The following RSPH9 variants were observed in gnomAD, a reference collection of about 807,000 sequenced individuals.
RSPH9 encodes radial spoke head protein 9 homolog.
A neutral mutation model predicts 27.0 loss-of-function variants in RSPH9; 27 were observed. The observed-to-expected ratio is 1.00, with a 90% CI of 0.74 to 1.38. The LOEUF is 1.38. RSPH9 is among the 40% of genes most tolerant of loss of function. The pLI is 0.00. For synonymous variants in RSPH9, 145 were observed against 147.7 expected (o/e 0.98, Z 0.13); for missense variants, 347 against 357.4 (o/e 0.97, Z 0.24).
At chr6:43,666,548 C>T in intron 4 of RSPH9, 1 of 1,448,516 alleles carries the variant, frequency 6.9e-7, no homozygotes, top group Non-Finnish European at 9.4e-7. Context: ...CATCTTGTCC[C>T]TTGGCCAAAG....
chr6:43,653,554 T>A (rs1410893717), intron 2 of RSPH9, among the ~76,000 whole-genome samples: 15 of 151,924 alleles, frequency 9.9e-5, no homozygotes, highest in Admixed American at 7.2e-4. Flanking sequence ...GTAAGGAGCC[T>A]ATGTTTTGAA....
chr6:43,666,516 A>T, intron 4 of RSPH9: 3 of 1,544,580 alleles, frequency 1.9e-6, no homozygotes, highest in Non-Finnish European at 2.6e-6. Flanking sequence ...CTCTGTGTCC[A>T]TGAGGTAGGC....
In RSPH9 at chr6:43,671,179, G is replaced by A. The variant is rs1313096842; in HGVS notation, c.*230G>A. The stretch of plus-strand genomic sequence containing the variant: ...CAACGATGGGTGGAAATGGCTGTGG[G>A]AGAAGGTGACAACCAGGGCCCCTTT... On this transcript the variant is annotated 3_prime_UTR_variant, in exon 5 of 5. Transcript: ENST00000372163. 1 of 605,626 alleles carries A rather than the reference G, an allele frequency of 1.7e-6. No individual in the cohort carries two copies. Among genetic ancestry groups the A allele is most frequent in the Non-Finnish European group, 2.9e-6 (1 of 344,578 alleles). The allele number at this position is 605,626 out of a possible 1,614,324, so 37.5% of individuals were successfully genotyped here.
rs1773737678 is a variant in RSPH9, at chr6:43,672,081, A to T, written c.*1132A>T. 1 of 765,230 alleles carries T rather than the reference A, an allele frequency of 1.3e-6. No homozygotes were observed. Among genetic ancestry groups the T allele is most frequent in the Non-Finnish European group, 2.1e-6 (1 of 487,240 alleles). The allele number at this position is 765,230 out of a possible 1,614,324, so 47.4% of individuals were successfully genotyped here. On this transcript the variant is annotated 3_prime_UTR_variant, in exon 5 of 5. Coordinates refer to ENST00000372163, the MANE Select transcript of RSPH9 (RefSeq NM_152732.5). ...GGGAGTAACTGCTGAGCGTCCTGTAAACAGATGGGCTGGGCTCTTGCTGCC... is the reference window on the plus strand; with the variant it reads ...GGGAGTAACTGCTGAGCGTCCTGTATACAGATGGGCTGGGCTCTTGCTGCC...
chr6:43,647,852 A>C (rs1561936408), intron 1 of RSPH9, among the ~76,000 whole-genome samples: 2 of 152,196 alleles, frequency 1.3e-5, no homozygotes, highest in East Asian at 3.8e-4. Context: ...GGTAAATGAA[A>C]TCCTTGTCTT....
chr6:43,662,370 C>CT (rs202057084), intron 4 of RSPH9, among the ~76,000 whole-genome samples: 528 of 143,748 alleles, frequency 3.7e-3, no homozygotes, highest in Middle Eastern at 0.011. Flanking sequence ...GTTTCACTTT[C>CT]TTTTTTTTTT....
intron 2 of RSPH9, among the ~76,000 whole-genome samples, chr6:43,652,279 C>T (rs892485904): frequency 2.0e-5 from 3 of 148,692 alleles, no homozygotes; most frequent in African/African-American, 7.4e-5. Context: ...GCACTCCAGC[C>T]TGGGCGACAG....
In RSPH9 at chr6:43,671,036, ATCT is replaced by A. The variant is rs775516824; in HGVS notation, c.*92_*94del. ...GAACTTGGCCTGCCTGTTCTGTCCT[ATCT>A]TCTTAACTCCACCTCCGTCTGGTTC... On this transcript the variant is annotated 3_prime_UTR_variant, in exon 5 of 5. Coordinates refer to ENST00000372163, the MANE Select transcript of RSPH9 (RefSeq NM_152732.5). 116 of 1,520,232 alleles carry A rather than the reference ATCT, an allele frequency of 7.6e-5. 2 individuals are homozygous for A. The highest frequency in any genetic ancestry group is 7.2e-4 in the East Asian group (31 of 43,296). The allele number at this position is 1,520,232 out of a possible 1,614,324, so 94.2% of individuals were successfully genotyped here.
chr6:43,671,354 G>T lies in RSPH9; in HGVS notation c.*405G>T. ...GCCCATGAATTCAATTGACTCATTG[G>T]CCCCATCACAAGAGATCAGTGACTC... On this transcript the variant is annotated 3_prime_UTR_variant, in exon 5 of 5. Transcript: ENST00000372163. 2.5e-6 allele frequency: 1 copy of T among 398,818 alleles called. No homozygotes were observed. The highest frequency in any genetic ancestry group is 5.3e-5 in the East Asian group (1 of 18,916). 24.7% of individuals were successfully genotyped at this position (398,818 alleles called of 1,614,324 possible).
At chr6:43,656,525 G>A in intron 3 of RSPH9, 52 bp from the exon 4 acceptor site, 1 of 1,610,580 alleles carries the variant, frequency 6.2e-7, no homozygotes. Context: ...CAGAAAGGGG[G>A]CTGGGGGGTT....
At chr6:43,648,269 CA>C (rs780680876) in intron 1 of RSPH9, among the ~76,000 whole-genome samples, 5,985 of 124,728 alleles carry the variant, frequency 0.048, 123 homozygotes, top group Non-Finnish European at 0.062. Context: ...AACTCTGTCT[CA>C]AAAAAAAAAA....
In RSPH9 at chr6:43,670,926, A is replaced by G. The variant is rs769366839; in HGVS notation, c.808A>G (p.Met270Val). Residue 270 changes from methionine (M) to valine (V), a missense_variant, in exon 5 of 5, where the codon ATG (methionine) becomes GTG (valine). Coordinates refer to ENST00000372163, the MANE Select transcript of RSPH9 (RefSeq NM_152732.5). ...YVYVGTGEKN[M>V]DLPFML ...CTACGTGGGCACTGGCGAGAAGAACATGGACTTGCCCTTCATGCTATAGAA... is the reference window on the plus strand; with the variant it reads ...CTACGTGGGCACTGGCGAGAAGAACGTGGACTTGCCCTTCATGCTATAGAA... 4 of 1,614,208 alleles carry G rather than the reference A, an allele frequency of 2.5e-6. No homozygotes were observed. Among genetic ancestry groups the G allele is most frequent in the Non-Finnish European group, 3.4e-6 (4 of 1,180,038 alleles).
Position 43,658,311 on chromosome 6 carries a change from G to GA in RSPH9, c.670+1601dup, listed in dbSNP as rs1272673497. Reference sequence around the variant, plus strand: ...CGTCTCAAAAAAAAAAAAAAAAAAAGAAAAAAAAAAAAAGAAACGAACATA... The same window carrying GA: ...CGTCTCAAAAAAAAAAAAAAAAAAAGAAAAAAAAAAAAAAGAAACGAACATA... On this transcript the variant is annotated intron_variant, in intron 4 of 4. Transcript: ENST00000372163. Among the ~76,000 whole-genome samples the GA allele has an allele frequency of 1.9e-3, 194 of 101,108 alleles. 1 individual carries two copies. The highest frequency in any genetic ancestry group is 4.4e-3 in the African/African-American group (126 of 28,836). 66.3% of individuals were successfully genotyped at this position (101,108 alleles called of 152,430 possible).
intron 4 of RSPH9, among the ~76,000 whole-genome samples, chr6:43,659,518 G>T (rs894229099): frequency 1.3e-5 from 2 of 151,554 alleles, no homozygotes; most frequent in South Asian, 2.1e-4. Context: ...GAGTATCTGG[G>T]ACTACAGGCG....
rs753850931 is a variant in RSPH9 at position 43,671,978 on chromosome 6, A to T, written c.*1029A>T. The T allele has an allele frequency of 9.2e-5, 135 of 1,472,776 alleles. No individual in the cohort carries two copies. Among genetic ancestry groups the T allele is most frequent in the Non-Finnish European group, 1.1e-4 (126 of 1,103,982 alleles). The allele number at this position is 1,472,776 out of a possible 1,614,324, so 91.2% of individuals were successfully genotyped here. On this transcript the variant is annotated 3_prime_UTR_variant, in exon 5 of 5. Transcript: ENST00000372163. ...GCTGGACGTGGGAGAGTGGAGCACT[A>T]CCTCCTCAGGCCAGGCCACGGTTGG...
intron 4 of RSPH9, among the ~76,000 whole-genome samples, chr6:43,665,773 G>A (rs1294954121): frequency 1.3e-5 from 2 of 151,782 alleles, no homozygotes; most frequent in African/African-American, 4.8e-5. Context: ...TACTCTTCAG[G>A]TCCTTCCTCC....
rs1380428357 is a variant in RSPH9 at position 43,650,556 on chromosome 6, A to G, written c.393+16A>G. ...AGAAATAGTGGTGAGTGAAGAGGAG[A>G]GCAGGAGGAGGGCCTAAAAGAGAGC... On this transcript the variant is annotated intron_variant, in intron 2 of 4. Transcript: ENST00000372163. 1 of 1,613,662 alleles carries G rather than the reference A, an allele frequency of 6.2e-7. No homozygotes were observed. The highest frequency in any genetic ancestry group is 8.5e-7 in the Non-Finnish European group (1 of 1,179,862).
intron 4 of RSPH9, among the ~76,000 whole-genome samples, chr6:43,669,016 A>G (rs1032277995): frequency 6.6e-6 from 1 of 152,130 alleles, no homozygotes; most frequent in Admixed American, 6.6e-5. Context: ...CATGACCAGG[A>G]AAGTACCAGG....
chr6:43,645,950 A>G (rs1770814720), intron 1 of RSPH9, among the ~76,000 whole-genome samples: 1 of 152,000 alleles, frequency 6.6e-6, no homozygotes, highest in Non-Finnish European at 1.5e-5. Flanking sequence ...CCATCCAGCT[A>G]TTTATTTATT....
Sources: gnomAD v4.1 joint callset for allele counts (sites outside exome capture counted in the v4.1 genomes callset) on GRCh38, gnomAD v4.1.1 for gene constraint, MANE v1.5 for transcripts, NCBI Gene and HGNC (gene_info 2026-07-23, HGNC 2026-07-21) for gene names.